Variants in LDB2 observed in about 807,000 individuals in gnomAD.
The protein encoded by LDB2 is LIM domain-binding protein 2.
In LDB2, 12 loss-of-function variants were observed where a neutral mutation model predicts 44.3. That is an observed-to-expected ratio of 0.27 (90% CI 0.17 to 0.44). The LOEUF (loss-of-function observed/expected upper bound fraction) is 0.44. Ranked by LOEUF, LDB2 falls within the 20% of genes least tolerant of loss-of-function variation. The pLI, the probability that LDB2 is intolerant of heterozygous loss-of-function variation, is 1.00. For synonymous variants in LDB2, 164 were observed against 174.8 expected (o/e 0.94, Z 0.49); for missense variants, 344 against 473.5 (o/e 0.73, Z 2.54).
intron 2 of LDB2, among the ~76,000 whole-genome samples, chr4:16,668,868 C>T (rs375496505): frequency 1.6e-4 from 24 of 152,308 alleles, no homozygotes; most frequent in African/African-American, 5.8e-4. Context: ...GTGACTCCCC[C>T]AGTGCTTAGG....
intron 2 of LDB2, among the ~76,000 whole-genome samples, chr4:16,628,569 C>CT (rs74474589): frequency 2.3e-3 from 329 of 146,022 alleles, no homozygotes; most frequent in South Asian, 4.0e-3. Context: ...TGAGTTAAAT[C>CT]TTTTTTTTTT....
chr4:16,547,650 C>CTACT (rs1443729739), intron 5 of LDB2, among the ~76,000 whole-genome samples: 3 of 152,154 alleles, frequency 2.0e-5, no homozygotes, highest in Non-Finnish European at 4.4e-5. Context: ...TACTCAAGAA[C>CTACT]TACTTACACA....
chr4:16,588,962 C>T, intron 3 of LDB2, 130 bp from the exon 4 acceptor site: 1 of 905,122 alleles, frequency 1.1e-6, no homozygotes, highest in Admixed American at 2.1e-5. Flanking sequence ...AAAGATGTGA[C>T]ACGAGTGATG....
At chr4:16,713,061 G>A (rs1470633097) in intron 2 of LDB2, among the ~76,000 whole-genome samples, 2 of 152,158 alleles carry the variant, frequency 1.3e-5, no homozygotes, top group Non-Finnish European at 2.9e-5. Flanking sequence ...CAACATGGAC[G>A]AACCTCAAAT....
chr4:16,894,911 A>G (rs966895659), intron 1 of LDB2, among the ~76,000 whole-genome samples: 2 of 152,028 alleles, frequency 1.3e-5, no homozygotes, highest in Non-Finnish European at 2.9e-5. Flanking sequence ...TTATTTTATT[A>G]TTGGATGTGT....
At chr4:16,602,769 C>A (rs1231770888) in intron 2 of LDB2, among the ~76,000 whole-genome samples, 1 of 152,118 alleles carries the variant, frequency 6.6e-6, no homozygotes, top group African/African-American at 2.4e-5. Context: ...ATGCTAAGTG[C>A]TAGAGAAACA....
At position 16,502,731 on chromosome 4, in the gene LDB2, G is replaced by A. The variant is rs1204888185; in HGVS notation, c.1034C>T (p.Ala345Val). 21 of 1,613,810 alleles carry A rather than the reference G, an allele frequency of 1.3e-5. No homozygotes were observed. Among genetic ancestry groups the A allele is most frequent in the Admixed American group, 3.3e-5 (2 of 59,986 alleles). ...DDEEDFNNSP[A>V]LGNNSPWNSK... is the part of the protein sequence containing the mutation. ...GTTCCACGGGCTGTTGTTCCCCAGC[G>A]CGGGTGAATTGTTGAAGTCCTCCTC... is the stretch of plus-strand genomic sequence containing the variant. Residue 345 changes from alanine to valine, a missense_variant, in exon 8 of 8, where the codon GCG becomes GTG. Coordinates refer to ENST00000304523, the MANE Select transcript of LDB2 (RefSeq NM_001290.5).
In LDB2 at chr4:16,888,535, C is replaced by T. The variant is rs555609149; in HGVS notation, c.132+9819G>A. The stretch of plus-strand genomic sequence containing the variant: ...GAAAAGCCCCTTTGGCATTATCACA[C>T]GAGAACAACCAAACTCAAGAGTCCT... On this transcript the variant is annotated intron_variant, in intron 1 of 7. Coordinates refer to ENST00000304523, the MANE Select transcript of LDB2 (RefSeq NM_001290.5). 36 of 172,404 alleles carry T rather than the reference C, an allele frequency of 2.1e-4. 1 individual carries two copies. Among genetic ancestry groups the T allele is most frequent in the African/African-American group, 6.0e-4 (25 of 41,852 alleles). The allele number at this position is 172,404 out of a possible 1,614,324, so 10.7% of individuals were successfully genotyped here. A position where few individuals can be genotyped will look rare whatever the true frequency, so the allele number is the denominator to read the frequency against.
intron 5 of LDB2, among the ~76,000 whole-genome samples, chr4:16,514,332 T>C (rs909711634): frequency 6.6e-6 from 1 of 152,172 alleles, no homozygotes; most frequent in Non-Finnish European, 1.5e-5. Flanking sequence ...CACTTTTGTA[T>C]CCCTATGCCC....
chr4:16,791,554 C>CAAAAAA (rs1775737712), intron 1 of LDB2, among the ~76,000 whole-genome samples: 1 of 3,644 alleles, frequency 2.7e-4, no homozygotes, highest in African/African-American at 1.1e-3. Context: ...GACTCTGGCT[C>CAAAAAA]AGAAAAAAAA....
At chr4:16,774,747 C>G (rs1771513953) in intron 1 of LDB2, among the ~76,000 whole-genome samples, 1 of 142,010 alleles carries the variant, frequency 7.0e-6, no homozygotes, top group African/African-American at 3.1e-5. Flanking sequence ...TTGAACTCCT[C>G]TTTGTGTTTG....
chr4:16,757,255 C>T (rs530596579), intron 2 of LDB2, among the ~76,000 whole-genome samples: 2 of 152,190 alleles, frequency 1.3e-5, no homozygotes, highest in African/African-American at 2.4e-5. Flanking sequence ...ACATCAGCAG[C>T]GTGTGCACAT....
intron 2 of LDB2, among the ~76,000 whole-genome samples, chr4:16,739,573 GAAAAAAAA>G (rs577466407): frequency 2.7e-5 from 1 of 37,698 alleles, no homozygotes; most frequent in African/African-American, 1.2e-4. Context: ...GTGACAGAGG[GAAAAAAAA>G]AAAAAAAAAT....
intron 1 of LDB2, among the ~76,000 whole-genome samples, chr4:16,866,872 A>T (rs10024980): frequency 0.1 from 15,590 of 152,194 alleles, 2,574 homozygotes; most frequent in African/African-American, 0.35. Flanking sequence ...TGGCCACATT[A>T]ATACACATAA....
chr4:16,558,553 C>G (rs1324050354), intron 5 of LDB2, among the ~76,000 whole-genome samples: 5 of 152,070 alleles, frequency 3.3e-5, no homozygotes, highest in East Asian at 1.9e-4. Context: ...AGAAATATGG[C>G]ACTATGTGAA....
chr4:16,653,091 G>GT, intron 2 of LDB2, among the ~76,000 whole-genome samples: 1 of 152,202 alleles, frequency 6.6e-6, no homozygotes, highest in Non-Finnish European at 1.5e-5. Flanking sequence ...GAAGTTAACT[G>GT]TTGTGAGTGG....
intron 5 of LDB2, among the ~76,000 whole-genome samples, chr4:16,531,242 G>A (rs1259243962): frequency 6.6e-6 from 1 of 152,166 alleles, no homozygotes; most frequent in Non-Finnish European, 1.5e-5. Flanking sequence ...TGATACCAAG[G>A]CTGATTAAAC....
intron 1 of LDB2, among the ~76,000 whole-genome samples, chr4:16,875,218 T>C (rs1213673570): frequency 6.6e-6 from 1 of 152,124 alleles, no homozygotes; most frequent in Admixed American, 6.6e-5. Context: ...ATTAAGACTA[T>C]ACAAGGAAAG....
chr4:16,718,227 T>C (rs1281442378), intron 2 of LDB2, among the ~76,000 whole-genome samples: 2 of 151,948 alleles, frequency 1.3e-5, no homozygotes, highest in Non-Finnish European at 2.9e-5. Flanking sequence ...TAGAGACAAA[T>C]AAGACTTGAG....
Sources: gnomAD v4.1 joint callset for allele counts (sites outside exome capture counted in the v4.1 genomes callset) on GRCh38, gnomAD v4.1.1 for gene constraint, MANE v1.5 for transcripts, NCBI Gene and HGNC (gene_info 2026-07-23, HGNC 2026-07-21) for gene names.